Variants in GPC5 observed in about 807,000 individuals in gnomAD.
GPC5 encodes the protein glypican-5.
In GPC5, 47 loss-of-function variants were observed where a neutral mutation model predicts 53.9. The observed-to-expected ratio is 0.87, with a 90% CI of 0.69 to 1.11. The LOEUF is 1.11. Ranked by LOEUF, GPC5 falls within the 50% of genes most tolerant of loss-of-function variation. The probability of loss-of-function intolerance (pLI) is 0.00; values close to 1 mark genes in which losing one functional copy is unlikely to be tolerated. For missense variants in GPC5, 748 were observed against 713.1 expected (o/e 1.05, Z -0.56); for synonymous variants, 286 against 263.3 (o/e 1.09, Z -0.84).
intron 6 of GPC5, among the ~76,000 whole-genome samples, chr13:92,099,457 T>G (rs1401641205): frequency 2.0e-5 from 3 of 152,200 alleles, no homozygotes; most frequent in Non-Finnish European, 4.4e-5. Flanking sequence ...CTATTCCTTC[T>G]TTACACTTTT....
chr13:92,790,683 G>A (rs1016378575), intron 7 of GPC5, among the ~76,000 whole-genome samples: 1 of 151,886 alleles, frequency 6.6e-6, no homozygotes, highest in Admixed American at 6.6e-5. Flanking sequence ...AAGAAGGGAG[G>A]GAAAGACAGA....
intron 7 of GPC5, among the ~76,000 whole-genome samples, chr13:92,147,148 A>AC (rs1174293128): frequency 8.0e-5 from 8 of 100,520 alleles, no homozygotes; most frequent in Non-Finnish European, 1.4e-4. Flanking sequence ...GCAAATTATA[A>AC]TTTATGTGAG....
chr13:92,147,253 A>G (rs2041874575), intron 7 of GPC5, among the ~76,000 whole-genome samples: 1 of 152,016 alleles, frequency 6.6e-6, no homozygotes, highest in Non-Finnish European at 1.5e-5. Context: ...TATAACACTT[A>G]TCCATCAGGG....
intron 2 of GPC5, among the ~76,000 whole-genome samples, chr13:91,608,564 T>TGCA (rs997396523): frequency 2.0e-5 from 3 of 152,150 alleles, no homozygotes; most frequent in Non-Finnish European, 2.9e-5. Flanking sequence ...GCTTTGTGAC[T>TGCA]GCAGCAGCAG....
chr13:92,275,472 A>G (rs1365560366), intron 7 of GPC5, among the ~76,000 whole-genome samples: 1 of 152,170 alleles, frequency 6.6e-6, no homozygotes, highest in Non-Finnish European at 1.5e-5. Flanking sequence ...TTGACTTTCA[A>G]TGAAAAAATA....
intron 6 of GPC5, among the ~76,000 whole-genome samples, chr13:92,022,800 TA>T: frequency 6.6e-6 from 1 of 151,976 alleles, no homozygotes; most frequent in Non-Finnish European, 1.5e-5. Context: ...TGTTGTAAAA[TA>T]ACATCCTTGA....
At chr13:92,136,229 C>T (rs183072889) in intron 6 of GPC5, among the ~76,000 whole-genome samples, 12 of 152,192 alleles carry the variant, frequency 7.9e-5, no homozygotes, top group East Asian at 3.9e-4. Context: ...TAAAATATTA[C>T]GAGCTTTTGT....
At chr13:92,654,009 A>C (rs1184421781) in intron 7 of GPC5, among the ~76,000 whole-genome samples, 1 of 152,228 alleles carries the variant, frequency 6.6e-6, no homozygotes, top group Non-Finnish European at 1.5e-5. Context: ...TCTGTGTCCC[A>C]CACTATCCCC....
At chr13:91,709,551 A>G (rs1358174104) in intron 3 of GPC5, among the ~76,000 whole-genome samples, 1 of 152,004 alleles carries the variant, frequency 6.6e-6, no homozygotes, top group East Asian at 1.9e-4. Flanking sequence ...GCTACTCCTC[A>G]TTTCTGTGTT....
chr13:91,803,781 GAC>G (rs369314989), intron 5 of GPC5, among the ~76,000 whole-genome samples: 3,845 of 147,482 alleles, frequency 0.026, 159 homozygotes, highest in African/African-American at 0.089. Context: ...CAGACAGACA[GAC>G]ACACACACAC....
intron 2 of GPC5, among the ~76,000 whole-genome samples, chr13:91,629,274 C>T (rs2034092978): frequency 6.6e-6 from 1 of 152,136 alleles, no homozygotes; most frequent in African/African-American, 2.4e-5. Flanking sequence ...CTTTCCATCC[C>T]ATTATTATAC....
At chr13:91,679,517 G>T (rs1046573661) in intron 2 of GPC5, among the ~76,000 whole-genome samples, 1 of 152,162 alleles carries the variant, frequency 6.6e-6, no homozygotes, top group East Asian at 1.9e-4. Flanking sequence ...ACCTCAGAGT[G>T]TTTTTGAGAT....
intron 6 of GPC5, among the ~76,000 whole-genome samples, chr13:92,089,816 C>G (rs1284142300): frequency 6.6e-6 from 1 of 152,126 alleles, no homozygotes; most frequent in Non-Finnish European, 1.5e-5. Context: ...CCTTTATAAA[C>G]TTCTAAATTC....
chr13:91,824,694 T>G (rs2038549189), intron 5 of GPC5, among the ~76,000 whole-genome samples: 1 of 151,486 alleles, frequency 6.6e-6, no homozygotes, highest in Non-Finnish European at 1.5e-5. Context: ...AATGTTTCTT[T>G]GTCCCCTTCC....
chr13:92,454,182 T>G (rs1481148796), intron 7 of GPC5, among the ~76,000 whole-genome samples: 2 of 151,556 alleles, frequency 1.3e-5, no homozygotes, highest in Non-Finnish European at 3.0e-5. Flanking sequence ...AGTAATTTTA[T>G]CTCCAGGTTT....
chr13:92,299,102 A>G (rs949818875), intron 7 of GPC5, among the ~76,000 whole-genome samples: 1 of 152,200 alleles, frequency 6.6e-6, no homozygotes, highest in African/African-American at 2.4e-5. Context: ...GGAATTGTAA[A>G]GAGTGCCTTT....
chr13:92,807,960 T>C (rs970166969), intron 7 of GPC5, among the ~76,000 whole-genome samples: 2 of 152,130 alleles, frequency 1.3e-5, no homozygotes, highest in Admixed American at 1.3e-4. Flanking sequence ...ATGTATGTCA[T>C]GTCAACATAT....
intron 7 of GPC5, among the ~76,000 whole-genome samples, chr13:92,318,094 A>G (rs2043191980): frequency 1.3e-5 from 2 of 152,338 alleles, no homozygotes; most frequent in South Asian, 4.1e-4. Context: ...CTATTTGAAA[A>G]TTAGATTTAT....
chr13:91,875,524 G>A (rs569648137), intron 5 of GPC5, among the ~76,000 whole-genome samples: 17 of 152,224 alleles, frequency 1.1e-4, no homozygotes, highest in Non-Finnish European at 2.2e-4. Context: ...GGTAATAAAT[G>A]TGTTTATATT....
Sources: allele counts gnomAD v4.1 joint callset (sites outside exome capture counted in the v4.1 genomes callset), GRCh38; gene constraint gnomAD v4.1.1; transcripts MANE v1.5; gene names NCBI Gene and HGNC (gene_info 2026-07-23, HGNC 2026-07-21).